Variants in CDH13 observed in about 807,000 individuals in gnomAD.
The protein encoded by CDH13 is cadherin 13, also known as cadherin-13.
Under a neutral mutation model 63.8 loss-of-function variants are expected in CDH13, and 24 were observed. That is an observed-to-expected ratio of 0.38 (90% confidence interval 0.27 to 0.53). The LOEUF is 0.53. Ranked by LOEUF, CDH13 falls within the 20% of genes least tolerant of loss-of-function variation. CDH13 has a pLI of 0.85. For missense variants in CDH13, 1,049 were observed against 903.1 expected, an observed-to-expected ratio of 1.16 and a Z score of -2.07; for synonymous variants, 503 against 355.3, an observed-to-expected ratio of 1.42 and a Z score of -4.67.
In CDH13 at chr16:83,779,980, C is replaced by A. The variant is rs1915408274; in HGVS notation, c.1694C>A (p.Ala565Asp). The A allele has an allele frequency of 1.2e-6, 2 of 1,609,064 alleles. No homozygotes were observed. The highest frequency in any genetic ancestry group is 1.7e-6 in the Non-Finnish European group (2 of 1,175,688). The change falls in exon 12 of 14, where the codon GCT (alanine) becomes GAT (aspartate). Residue 565 changes from alanine (A) to aspartate (D), a missense_variant. By Grantham distance (126) the Ala-to-Asp change is moderately radical. Transcript: ENST00000567109. ...CTTTTTCCCACAGGCAACCCTCCCG[C>A]TACGGGCACTGGGACTTTGCTGATA... is the stretch of plus-strand genomic sequence containing the variant. ...FLAIDSGNPP[A>D]TGTGTLLITL... is the part of the protein sequence containing the mutation.
At chr16:83,353,320 T>C (rs1272785849) in intron 6 of CDH13, among the ~76,000 whole-genome samples, 1 of 152,200 alleles carries the variant, frequency 6.6e-6, no homozygotes, top group Non-Finnish European at 1.5e-5. Context: ...GACAGTCGGC[T>C]CCCTTGTCAT....
chr16:83,124,187 A>C (rs1372733774), intron 3 of CDH13, among the ~76,000 whole-genome samples: 1 of 152,122 alleles, frequency 6.6e-6, no homozygotes. Flanking sequence ...CTGGGATTAC[A>C]GGTACCTGCC....
chr16:82,651,621 T>G (rs1462793883), intron 1 of CDH13, among the ~76,000 whole-genome samples: 2 of 152,110 alleles, frequency 1.3e-5, no homozygotes, highest in Admixed American at 1.3e-4. Flanking sequence ...GGAGGTGGTG[T>G]TTTTCCACTT....
At chr16:83,420,789 T>C (rs1469562602) in intron 6 of CDH13, among the ~76,000 whole-genome samples, 1 of 152,132 alleles carries the variant, frequency 6.6e-6, no homozygotes, top group African/African-American at 2.4e-5. Flanking sequence ...AATGCAACCT[T>C]CAGTCTGTGG....
At chr16:83,741,011 C>A (rs1258348806) in intron 10 of CDH13, among the ~76,000 whole-genome samples, 1 of 152,178 alleles carries the variant, frequency 6.6e-6, no homozygotes, top group East Asian at 1.9e-4. Context: ...CCCTAGAGAC[C>A]ATGGCAGTCC....
chr16:82,974,943 C>T (rs1024645851), intron 2 of CDH13, among the ~76,000 whole-genome samples: 1 of 152,228 alleles, frequency 6.6e-6, no homozygotes, highest in African/African-American at 2.4e-5. Context: ...ACATAAACTA[C>T]GCCCAGACTG....
chr16:83,003,095 C>A (rs1053698493), intron 2 of CDH13, among the ~76,000 whole-genome samples: 1 of 152,148 alleles, frequency 6.6e-6, no homozygotes, highest in Admixed American at 6.5e-5. Context: ...TGATGCCAAC[C>A]CCAGTGTCCT....
intron 10 of CDH13, among the ~76,000 whole-genome samples, chr16:83,692,848 C>A (rs375700576): frequency 8.5e-5 from 13 of 152,298 alleles, no homozygotes; most frequent in African/African-American, 3.1e-4. Context: ...CTTTGGGAGG[C>A]CGAGGCAGGT....
At chr16:82,632,179 C>G (rs548302914) in intron 1 of CDH13, among the ~76,000 whole-genome samples, 102 of 152,300 alleles carry the variant, frequency 6.7e-4, no homozygotes, top group African/African-American at 2.3e-3. Flanking sequence ...ATAATCGTCA[C>G]CACTCTCTAC....
chr16:83,648,214 A>G (rs1457284200), intron 8 of CDH13, among the ~76,000 whole-genome samples: 1 of 152,118 alleles, frequency 6.6e-6, no homozygotes, highest in East Asian at 1.9e-4. Context: ...TAAATTACAC[A>G]TGTCTGGCCG....
At chr16:82,979,982 T>G (rs1002771169) in intron 2 of CDH13, among the ~76,000 whole-genome samples, 2 of 152,136 alleles carry the variant, frequency 1.3e-5, no homozygotes, top group Admixed American at 6.5e-5. Context: ...TCACTGAAAT[T>G]TAATCATTAA....
At chr16:83,562,804 T>C (rs4078496) in intron 7 of CDH13, among the ~76,000 whole-genome samples, 38,919 of 152,186 alleles carry the variant, frequency 0.26, 6,160 homozygotes, top group Middle Eastern at 0.43. Flanking sequence ...CCTATAAAAC[T>C]AATAACAAAC....
intron 3 of CDH13, among the ~76,000 whole-genome samples, chr16:83,072,875 C>T (rs780248974): frequency 2.6e-5 from 4 of 152,082 alleles, no homozygotes; most frequent in Non-Finnish European, 5.9e-5. Flanking sequence ...AGAAAGACTG[C>T]CCTGGAGGAT....
In CDH13 at chr16:82,955,058, A is replaced by G. The variant is rs139393318; in HGVS notation, c.158-76952A>G. Among the ~76,000 whole-genome samples the G allele has an allele frequency of 7.1e-3, 1,081 of 152,200 alleles. 11 individuals are homozygous for G. The highest frequency in any genetic ancestry group is 0.024 in the African/African-American group (992 of 41,534). On this transcript the variant is annotated intron_variant, in intron 2 of 13. Transcript: ENST00000567109. ...CTCAATGAACATTTTAGTTGTTTCC[A>G]CTTTGGGGCGATTTTGAATAACGTT...
At chr16:82,905,527 C>A (rs1651459832) in intron 2 of CDH13, among the ~76,000 whole-genome samples, 1 of 151,198 alleles carries the variant, frequency 6.6e-6, no homozygotes, top group Non-Finnish European at 1.5e-5. Context: ...ACTTCCTGAA[C>A]AAAAATATTC....
intron 2 of CDH13, among the ~76,000 whole-genome samples, chr16:82,934,174 A>T (rs2151299238): frequency 6.6e-6 from 1 of 152,334 alleles, no homozygotes; most frequent in South Asian, 2.1e-4. Flanking sequence ...TTCTGCCTGG[A>T]CATCCAGGCA....
At chr16:83,742,813 G>C (rs927249523) in intron 10 of CDH13, among the ~76,000 whole-genome samples, 1 of 152,216 alleles carries the variant, frequency 6.6e-6, no homozygotes, top group Non-Finnish European at 1.5e-5. Flanking sequence ...TCCTCTGTCT[G>C]CAGGTGTGTT....
chr16:83,414,782 C>G (rs376637360), intron 6 of CDH13, among the ~76,000 whole-genome samples: 2 of 152,088 alleles, frequency 1.3e-5, no homozygotes, highest in Non-Finnish European at 2.9e-5. Flanking sequence ...ATATTTTATT[C>G]TATGTATGTG....
intron 7 of CDH13, among the ~76,000 whole-genome samples, chr16:83,507,530 G>A (rs949530410): frequency 1.3e-5 from 2 of 152,110 alleles, no homozygotes; most frequent in African/African-American, 2.4e-5. Context: ...ATAATTGGTT[G>A]CTACTCTGGA....
Sources: allele counts gnomAD v4.1 joint callset (sites outside exome capture counted in the v4.1 genomes callset), GRCh38; gene constraint gnomAD v4.1.1; transcripts MANE v1.5; gene names NCBI Gene and HGNC (gene_info 2026-07-23, HGNC 2026-07-21).